The following CDH12 variants were observed in gnomAD, a reference collection of about 807,000 sequenced individuals.
CDH12 encodes the protein cadherin-12.
A neutral mutation model predicts 74.1 loss-of-function variants in CDH12; 41 were observed. That is an observed-to-expected ratio of 0.55 (90% CI 0.43 to 0.72). The LOEUF (loss-of-function observed/expected upper bound fraction) is 0.72. Among genes scored for constraint, CDH12 ranks in the 30% least tolerant of loss-of-function variants. The pLI is 0.00. For synonymous variants in CDH12, 399 were observed against 355.0 expected (o/e 1.12, Z -1.39); for missense variants, 945 against 977.2 (o/e 0.97, Z 0.44).
At chr5:22,511,647 A>C (rs893867452) in intron 1 of CDH12, among the ~76,000 whole-genome samples, 2 of 152,228 alleles carry the variant, frequency 1.3e-5, no homozygotes, top group African/African-American at 4.8e-5. Context: ...GGTAATCCAC[A>C]TGGACACAAC....
Position 22,601,776 on chromosome 5 carries a change from G to A in CDH12, c.-522-96412C>T, listed in dbSNP as rs549106457. ...AGGCCCTAGATGAACCTTTCAAAGG[G>A]GTAGATTTTAGGAAACAAGGATGGG... On this transcript the variant is annotated intron_variant, in intron 1 of 14. Coordinates refer to ENST00000382254, the MANE Select transcript of CDH12 (RefSeq NM_004061.5). Among the ~76,000 whole-genome samples, 9 of 152,040 alleles carry A rather than the reference G, an allele frequency of 5.9e-5. No individual in the cohort carries two copies. In the East Asian group the frequency reaches 1.5e-3, roughly 26 times the overall value.
chr5:22,492,947 G>A (rs1580704174), intron 2 of CDH12, among the ~76,000 whole-genome samples: 1 of 152,148 alleles, frequency 6.6e-6, no homozygotes, highest in African/African-American at 2.4e-5. Context: ...AGACCCGAAA[G>A]ATTTGGTTCC....
At chr5:22,228,458 T>C (rs1218799927) in intron 3 of CDH12, among the ~76,000 whole-genome samples, 1 of 152,158 alleles carries the variant, frequency 6.6e-6, no homozygotes. Flanking sequence ...GGATAAAATA[T>C]GTTTCTAATG....
At chr5:22,514,578 T>A (rs1363654561) in intron 1 of CDH12, among the ~76,000 whole-genome samples, 1 of 152,210 alleles carries the variant, frequency 6.6e-6, no homozygotes, top group Admixed American at 6.5e-5. Flanking sequence ...TAGAGAATTT[T>A]GTTAAAGACA....
At chr5:22,543,321 A>G (rs1190898201) in intron 1 of CDH12, among the ~76,000 whole-genome samples, 2 of 152,158 alleles carry the variant, frequency 1.3e-5, no homozygotes, top group East Asian at 3.8e-4. Flanking sequence ...CTGTGTTCCA[A>G]TCATGTAGCA....
intron 3 of CDH12, among the ~76,000 whole-genome samples, chr5:22,306,226 T>A (rs1409565425): frequency 2.0e-5 from 3 of 152,184 alleles, no homozygotes; most frequent in Non-Finnish European, 4.4e-5. Flanking sequence ...CCTCAGCACA[T>A]GGCCGTTTGT....
chr5:22,825,638 A>G (rs559035677), intron 1 of CDH12, among the ~76,000 whole-genome samples: 1 of 152,310 alleles, frequency 6.6e-6, no homozygotes, highest in Non-Finnish European at 1.5e-5. Context: ...TAGGGCAGAG[A>G]AAAAAGTCAG....
chr5:22,128,316 A>T (rs9293011), intron 4 of CDH12, among the ~76,000 whole-genome samples: 1 of 151,770 alleles, frequency 6.6e-6, no homozygotes, highest in Non-Finnish European at 1.5e-5. Flanking sequence ...GTAAGATAAT[A>T]CACTCTATTC....
At chr5:22,160,485 T>C (rs1372690288) in intron 4 of CDH12, among the ~76,000 whole-genome samples, 6 of 152,094 alleles carry the variant, frequency 3.9e-5, no homozygotes, top group Admixed American at 1.3e-4. Flanking sequence ...AAGAAGTCCA[T>C]GGGAATTGGC....
intron 5 of CDH12, among the ~76,000 whole-genome samples, chr5:22,072,680 C>T (rs113114542): frequency 2.3e-4 from 35 of 151,978 alleles, no homozygotes; most frequent in African/African-American, 7.7e-4. Flanking sequence ...CCCATTAACT[C>T]GTCATTTACA....
intron 6 of CDH12, among the ~76,000 whole-genome samples, chr5:21,895,921 AT>A (rs754395483): frequency 1.3e-5 from 2 of 152,144 alleles, no homozygotes; most frequent in Non-Finnish European, 2.9e-5. Context: ...AGTTATTTTC[AT>A]CAGTGTGTGG....
At chr5:22,786,799 A>T (rs1336886766) in intron 1 of CDH12, among the ~76,000 whole-genome samples, 1 of 151,338 alleles carries the variant, frequency 6.6e-6, no homozygotes, top group East Asian at 1.9e-4. Context: ...GCCCACTGCA[A>T]CCTCCGCCTT....
At chr5:22,153,887 T>TATAAAA (rs1421687468) in intron 4 of CDH12, among the ~76,000 whole-genome samples, 3 of 70,216 alleles carry the variant, frequency 4.3e-5, no homozygotes, top group African/African-American at 1.3e-4. Context: ...TATATATATA[T>TATAAAA]AAATATATAT....
intron 6 of CDH12, among the ~76,000 whole-genome samples, chr5:21,971,762 A>G (rs866784444): frequency 2.0e-4 from 31 of 152,280 alleles, no homozygotes; most frequent in African/African-American, 6.7e-4. Context: ...CATAAAGTCC[A>G]AACTTGTCTC....
Position 22,602,595 on chromosome 5 carries a change from G to C in CDH12, c.-522-97231C>G, listed in dbSNP as rs543342478. 9.2e-5 allele frequency among the ~76,000 whole-genome samples: 14 copies of C among 152,178 alleles called. No individual in the cohort carries two copies. In the East Asian group the frequency reaches 2.5e-3, roughly 27 times the overall value. ...AAGATTCAAGAAAAGACATGAGTGA[G>C]AGAATACTGTAAATAAATAATTGTC... On this transcript the variant is annotated intron_variant, in intron 1 of 14. Coordinates refer to ENST00000382254, the MANE Select transcript of CDH12 (RefSeq NM_004061.5).
intron 4 of CDH12, among the ~76,000 whole-genome samples, chr5:22,191,854 G>A (rs909583380): frequency 2.0e-5 from 3 of 151,410 alleles, no homozygotes; most frequent in African/African-American, 4.8e-5. Flanking sequence ...GTGAGCCACC[G>A]CGCCCGGCCC....
intron 6 of CDH12, among the ~76,000 whole-genome samples, chr5:21,872,052 A>G (rs1214892667): frequency 6.6e-6 from 1 of 152,188 alleles, no homozygotes; most frequent in East Asian, 1.9e-4. Flanking sequence ...ATGGACTAGA[A>G]AAGACATGTC....
intron 5 of CDH12, among the ~76,000 whole-genome samples, chr5:22,052,925 C>G (rs1439647486): frequency 6.6e-6 from 1 of 151,970 alleles, no homozygotes; most frequent in Non-Finnish European, 1.5e-5. Flanking sequence ...ATTTTGGCAT[C>G]TAATATTTAT....
chr5:22,011,829 C>G (rs1232690256), intron 5 of CDH12, among the ~76,000 whole-genome samples: 1 of 152,092 alleles, frequency 6.6e-6, no homozygotes, highest in South Asian at 2.1e-4. Flanking sequence ...TTATACATAA[C>G]TATCAAAACA....
Sources: allele counts gnomAD v4.1 joint callset (sites outside exome capture counted in the v4.1 genomes callset), GRCh38; gene constraint gnomAD v4.1.1; transcripts MANE v1.5; gene names NCBI Gene and HGNC (gene_info 2026-07-23, HGNC 2026-07-21).